Variants in KLHL5 observed in about 807,000 individuals in gnomAD.
The protein encoded by KLHL5 is kelch-like protein 5.
Under a neutral mutation model 77.7 loss-of-function variants are expected in KLHL5, and 48 were observed. That is an observed-to-expected ratio of 0.62 (90% CI 0.49 to 0.79). The LOEUF is 0.79. Among genes scored for constraint, KLHL5 ranks in the 30% least tolerant of loss-of-function variants. The pLI, the probability that KLHL5 is intolerant of heterozygous loss-of-function variation, is 0.00. For missense variants in KLHL5, 723 were observed against 859.7 expected (o/e 0.84, Z 1.99); for synonymous variants, 260 against 297.0 (o/e 0.88, Z 1.28).
intron 1 of KLHL5, among the ~76,000 whole-genome samples, chr4:39,045,882 C>T (rs1716146474): frequency 6.7e-6 from 1 of 150,262 alleles, no homozygotes; most frequent in East Asian, 2.0e-4. Context: ...GTTAGATGTG[C>T]GGATGCCCCT....
downstream of KLHL5, chr4:39,126,916 C>T (rs1259147205): frequency 2.7e-6 from 1 of 364,608 alleles, no homozygotes; most frequent in South Asian, 2.1e-5. Flanking sequence ...AGTTACTGGG[C>T]AACCCTTGCT....
chr4:39,082,182 A>G, intron 4 of KLHL5, 23 bp downstream of exon 4: 1 of 1,536,626 alleles, frequency 6.5e-7, no homozygotes, highest in South Asian at 1.2e-5. Flanking sequence ...TGAAGGTGAG[A>G]AAGTCGATCC....
chr4:39,096,876 A>G lies in KLHL5; in HGVS notation c.1298A>G (p.Lys433Arg). The part of the protein sequence containing the change: ...LFAVGGMDST[K>R]GATSIEKYDL... ...GCAGTTGGGGGAATGGATTCAACAA[A>G]AGGTATCAAATAATCTTTTATTTGG... Residue 433 changes from lysine to arginine, a missense_variant and splice_region_variant, in exon 6 of 11, where the codon AAA becomes AGA. Coordinates refer to ENST00000504108, the MANE Select transcript of KLHL5 (RefSeq NM_015990.5). 1 of 1,609,370 alleles carries G rather than the reference A, an allele frequency of 6.2e-7. No homozygotes were observed. Among genetic ancestry groups the G allele is most frequent in the Non-Finnish European group, 8.5e-7 (1 of 1,175,878 alleles).
chr4:39,046,746 A>G (rs1716224176), intron 1 of KLHL5, among the ~76,000 whole-genome samples: 1 of 152,174 alleles, frequency 6.6e-6, no homozygotes, highest in African/African-American at 2.4e-5. Flanking sequence ...GCAGTTGACA[A>G]TATCTTTAAA....
In KLHL5 at chr4:39,086,742, C is replaced by T; in HGVS notation, c.1113+15C>T. The T allele has an allele frequency of 6.3e-7, 1 of 1,578,900 alleles. No homozygotes were observed. The highest frequency in any genetic ancestry group is 8.7e-7 in the Non-Finnish European group (1 of 1,148,418). ...TTGCACCACAGGTAATTAATAGGCA[C>T]TTGTTTATAGGAATTTTTCTTTGCC... On this transcript the variant is annotated intron_variant, in intron 5 of 10. Transcript: ENST00000504108.
intron 5 of KLHL5, among the ~76,000 whole-genome samples, chr4:39,092,192 T>G (rs1314425598): frequency 6.6e-6 from 1 of 152,136 alleles, no homozygotes; most frequent in African/African-American, 2.4e-5. Flanking sequence ...GCATTTAGTA[T>G]TCACCAAAAA....
At position 39,085,732 on chromosome 4, in the gene KLHL5, T is replaced by G. The variant is rs151108076; in HGVS notation, c.901-783T>G. 3.0e-3 allele frequency among the ~76,000 whole-genome samples: 457 copies of G among 152,308 alleles called. 5 individuals carry two copies. In the Middle Eastern group the frequency reaches 0.048, roughly 16 times the overall value. On this transcript the variant is annotated intron_variant, in intron 4 of 10. Coordinates refer to ENST00000504108, the MANE Select transcript of KLHL5 (RefSeq NM_015990.5). ...AACGTGAGGCCAGGACTGAGTCATC[T>G]TCAGTCTAATGTCCTGATCCCAGGG...
At chr4:39,075,861 T>A in intron 1 of KLHL5, 104 bp from the exon 2 acceptor site, 1 of 883,522 alleles carries the variant, frequency 1.1e-6, no homozygotes, top group Non-Finnish European at 1.8e-6. Context: ...ATAGGTAGCA[T>A]TGATTTCTTC....
chr4:39,109,621 CTTTTTCTTTT>C (rs1424191215), intron 8 of KLHL5, among the ~76,000 whole-genome samples: 15 of 145,912 alleles, frequency 1.0e-4, no homozygotes, highest in African/African-American at 7.5e-5. Flanking sequence ...TTTATAATTT[CTTTTTCTTTT>C]TTTTTCTTTT....
the KLHL5 span, among the ~76,000 whole-genome samples, chr4:39,137,641 G>C: frequency 6.6e-6 from 1 of 151,978 alleles, no homozygotes; most frequent in Non-Finnish European, 1.5e-5. Flanking sequence ...AACAAACAAA[G>C]AATAAAATAT....
the KLHL5 span, chr4:39,135,413 T>C: frequency 6.6e-6 from 1 of 152,328 alleles, no homozygotes; most frequent in African/African-American, 2.4e-5. Flanking sequence ...CCCTGAGAAA[T>C]GGCCCAGCTA....
At chr4:39,127,610 T>A (rs1294728316), downstream of KLHL5, among the ~76,000 whole-genome samples, 1 of 151,952 alleles carries the variant, frequency 6.6e-6, no homozygotes, top group African/African-American at 2.4e-5. Flanking sequence ...TGCACCACCA[T>A]GTTTGGCTAA....
chr4:39,090,776 AT>A (rs1218752131), intron 5 of KLHL5, among the ~76,000 whole-genome samples: 1 of 151,832 alleles, frequency 6.6e-6, no homozygotes, highest in East Asian at 1.9e-4. Flanking sequence ...AAAACTCTGA[AT>A]AATCCAGAAG....
intron 1 of KLHL5, among the ~76,000 whole-genome samples, chr4:39,067,496 A>G (rs983883281): frequency 6.6e-6 from 1 of 152,124 alleles, no homozygotes; most frequent in Non-Finnish European, 1.5e-5. Context: ...CAAACACTGT[A>G]CTATTAATAT....
upstream of KLHL5, among the ~76,000 whole-genome samples, chr4:39,060,103 T>C (rs570001400): frequency 1.4e-4 from 22 of 152,190 alleles, no homozygotes; most frequent in Non-Finnish European, 3.1e-4. Flanking sequence ...TGAAATATCA[T>C]GTAACTCTTA....
intron 1 of KLHL5, chr4:39,045,117 G>C (rs1306369644): frequency 9.1e-6 from 9 of 984,490 alleles, no homozygotes; most frequent in African/African-American, 1.8e-5. Flanking sequence ...CTTCCTTCTC[G>C]GCATCGGGGA....
chr4:39,126,886 C>T (rs1264898363), downstream of KLHL5: 6 of 382,040 alleles, frequency 1.6e-5, no homozygotes, highest in Admixed American at 3.4e-5. Context: ...TATACATCTC[C>T]GGAATGAATG....
At chr4:39,088,177 C>T (rs1720218639) in intron 5 of KLHL5, among the ~76,000 whole-genome samples, 1 of 152,122 alleles carries the variant, frequency 6.6e-6, no homozygotes, top group Non-Finnish European at 1.5e-5. Flanking sequence ...AATTAAGTAA[C>T]CTGACAATTG....
At chr4:39,137,548 AG>A in the KLHL5 span, among the ~76,000 whole-genome samples, 4 of 152,154 alleles carry the variant, frequency 2.6e-5, no homozygotes, top group African/African-American at 9.7e-5. Flanking sequence ...TGAGCCCAGG[AG>A]GTCGAGGCTG....
Sources: allele counts gnomAD v4.1 joint callset (sites outside exome capture counted in the v4.1 genomes callset), GRCh38; gene constraint gnomAD v4.1.1; transcripts MANE v1.5; gene names NCBI Gene and HGNC (gene_info 2026-07-23, HGNC 2026-07-21).